Variants in WDR7 observed in about 807,000 individuals in gnomAD.
WDR7 encodes WD repeat domain 7, also known as WD repeat-containing protein 7.
Under a neutral mutation model 169.4 loss-of-function variants are expected in WDR7, and 46 were observed. The ratio of observed to expected loss-of-function variants is 0.27; its 90% CI spans 0.21 to 0.35. The LOEUF (loss-of-function observed/expected upper bound fraction) is 0.35, where lower values mean the gene tolerates loss of function less well. Among genes scored for constraint, WDR7 ranks in the 10% least tolerant of loss-of-function variants. The pLI is 1.00. For missense variants in WDR7, 1,534 were observed against 1,859.3 expected (o/e 0.83, Z 3.22); for synonymous variants, 612 against 666.8 (o/e 0.92, Z 1.27).
chr18:56,982,248 T>A (rs551902252), intron 26 of WDR7, among the ~76,000 whole-genome samples: 16 of 152,298 alleles, frequency 1.1e-4, no homozygotes, highest in Admixed American at 3.9e-4. Flanking sequence ...TAAAATTTGG[T>A]GGATTTCAAA....
intron 21 of WDR7, among the ~76,000 whole-genome samples, chr18:56,902,667 C>CTAA: frequency 6.6e-6 from 1 of 152,232 alleles, no homozygotes; most frequent in Admixed American, 6.5e-5. Flanking sequence ...ATGGCTCATC[C>CTAA]TAATAGTAAA....
intron 25 of WDR7, among the ~76,000 whole-genome samples, chr18:56,956,377 A>T (rs2047250675): frequency 6.6e-6 from 1 of 152,128 alleles, no homozygotes; most frequent in Non-Finnish European, 1.5e-5. Context: ...TGGAGGGTGT[A>T]TGCAAACATG....
chr18:56,825,707 A>G (rs1268390845), intron 20 of WDR7, among the ~76,000 whole-genome samples: 1 of 152,198 alleles, frequency 6.6e-6, no homozygotes, highest in East Asian at 1.9e-4. Context: ...TCTTTTTGTG[A>G]TATATAGAAA....
chr18:56,996,431 T>C (rs1295151892), intron 26 of WDR7, among the ~76,000 whole-genome samples: 2 of 152,206 alleles, frequency 1.3e-5, no homozygotes, highest in Non-Finnish European at 2.9e-5. Context: ...CATTTAGAAA[T>C]TACATTTTCA....
At chr18:57,025,208 C>T (rs1272687286) in intron 27 of WDR7, among the ~76,000 whole-genome samples, 1 of 152,156 alleles carries the variant, frequency 6.6e-6, no homozygotes, top group Non-Finnish European at 1.5e-5. Context: ...AGTCAAGCTT[C>T]ATACATATAT....
chr18:56,750,656 G>C (rs530289006), intron 14 of WDR7, among the ~76,000 whole-genome samples: 1 of 152,310 alleles, frequency 6.6e-6, no homozygotes, highest in East Asian at 1.9e-4. Context: ...CCGATAGTCC[G>C]TATTTGACAT....
chr18:56,730,149 G>C (rs1343274966), intron 13 of WDR7, among the ~76,000 whole-genome samples: 1 of 152,168 alleles, frequency 6.6e-6, no homozygotes, highest in African/African-American at 2.4e-5. Context: ...CAGTGTACCA[G>C]GGATACAACA....
At chr18:56,706,081 CTTTAT>C in intron 12 of WDR7, among the ~76,000 whole-genome samples, 1 of 152,130 alleles carries the variant, frequency 6.6e-6, no homozygotes, top group Non-Finnish European at 1.5e-5. Flanking sequence ...CAATAGGATA[CTTTAT>C]TTCAGCCTAC....
rs1343741154 is a variant in WDR7 at position 56,962,482 on chromosome 18, C to T, written c.4117C>T (p.Arg1373Cys). Residue 1373 changes from arginine (R) to cysteine (C), a missense_variant, in exon 26 of 28, where the codon CGC (arginine) becomes TGC (cysteine). Arg to Cys is a radical substitution (Grantham distance 180). Coordinates refer to ENST00000254442, the MANE Select transcript of WDR7 (RefSeq NM_015285.3). ...ERNHRIAVGA[R>C]HGSVALYDIR... ...GAATCACAGAATAGCAGTTGGAGCT[C>T]GCCATGGTTCAGTGGCCCTGTACGA... 8.1e-6 allele frequency: 13 copies of T among 1,612,974 alleles called. 1 individual carries two copies. Among genetic ancestry groups the T allele is most frequent in the Admixed American group, 3.3e-5 (2 of 59,898 alleles).
At chr18:56,725,795 A>G (rs369900169) in intron 13 of WDR7, among the ~76,000 whole-genome samples, 2 of 152,128 alleles carry the variant, frequency 1.3e-5, no homozygotes, top group African/African-American at 2.4e-5. Flanking sequence ...TAGGTCTAAC[A>G]TTTAAGTCTT....
chr18:56,757,418 T>C (rs2043910647), intron 15 of WDR7, 66 bp downstream of exon 15: 2 of 1,434,796 alleles, frequency 1.4e-6, no homozygotes, highest in Non-Finnish European at 1.9e-6. Flanking sequence ...TATTTTTTCA[T>C]TGTTGATTAC....
At chr18:56,770,584 A>G (rs924609232) in intron 16 of WDR7, among the ~76,000 whole-genome samples, 34 of 152,162 alleles carry the variant, frequency 2.2e-4, no homozygotes, top group Non-Finnish European at 1.5e-4. Flanking sequence ...TGTTTATTGC[A>G]CTTCTGATAT....
intron 19 of WDR7, among the ~76,000 whole-genome samples, chr18:56,796,261 A>G (rs2044584410): frequency 6.6e-6 from 1 of 152,294 alleles, no homozygotes; most frequent in South Asian, 2.1e-4. Flanking sequence ...CTGTGAGGAT[A>G]TCTTCCTCCT....
At chr18:56,805,996 G>C (rs557108407) in intron 19 of WDR7, among the ~76,000 whole-genome samples, 24 of 152,218 alleles carry the variant, frequency 1.6e-4, no homozygotes, top group African/African-American at 5.1e-4. Flanking sequence ...TCTTCACCTA[G>C]TGTCATTTCT....
At position 56,757,364 on chromosome 18, in the gene WDR7, A is replaced by G. The variant is rs750909759; in HGVS notation, c.2759+12A>G. On this transcript the variant is annotated intron_variant, in intron 15 of 27. Coordinates refer to ENST00000254442, the MANE Select transcript of WDR7 (RefSeq NM_015285.3). ...AAGGGTCCTACCAGGTGTGACCATG[A>G]TAGTTTGATTTTATTCTTAAGTTTC... 6.5e-7 allele frequency: 1 copy of G among 1,541,138 alleles called. No homozygotes were observed. Among genetic ancestry groups the G allele is most frequent in the Admixed American group, 2.1e-5 (1 of 48,574 alleles).
chr18:56,775,096 T>C (rs373221844), intron 16 of WDR7, among the ~76,000 whole-genome samples: 12 of 152,268 alleles, frequency 7.9e-5, no homozygotes, highest in African/African-American at 2.9e-4. Context: ...CCACGACTTA[T>C]TTGACTTGTG....
intron 21 of WDR7, among the ~76,000 whole-genome samples, chr18:56,889,240 G>A (rs1350351595): frequency 6.6e-6 from 1 of 152,152 alleles, no homozygotes; most frequent in Non-Finnish European, 1.5e-5. Context: ...AATTACGTGT[G>A]TCCCAGTTCT....
chr18:57,009,530 T>C (rs1310551915), intron 26 of WDR7, among the ~76,000 whole-genome samples: 1 of 57,526 alleles, frequency 1.7e-5, no homozygotes, highest in East Asian at 8.5e-4. Flanking sequence ...CAGACTAATC[T>C]AATTTTTCAG....
chr18:56,851,094 AT>A (rs1318867893), intron 20 of WDR7, among the ~76,000 whole-genome samples: 1 of 152,174 alleles, frequency 6.6e-6, no homozygotes, highest in Non-Finnish European at 1.5e-5. Flanking sequence ...TGCTGCCAAA[AT>A]GATCTCTATA....
Sources: gnomAD v4.1 joint callset for allele counts (sites outside exome capture counted in the v4.1 genomes callset) on GRCh38, gnomAD v4.1.1 for gene constraint, MANE v1.5 for transcripts, NCBI Gene and HGNC (gene_info 2026-07-23, HGNC 2026-07-21) for gene names.